TAFA2: variants seen among roughly 807,000 people sequenced by gnomAD.
TAFA2 encodes the protein chemokine-like protein TAFA-2.
In TAFA2, 7 loss-of-function variants were observed where a neutral mutation model predicts 18.8. The observed-to-expected ratio is 0.37, with a 90% CI of 0.21 to 0.70. TAFA2 has a LOEUF of 0.70. TAFA2 is among the 30% of genes least tolerant of loss of function. The pLI is 0.53. For missense variants in TAFA2, 122 were observed against 158.1 expected, an observed-to-expected ratio of 0.77 and a Z score of 1.23; for synonymous variants, 60 against 54.2, an observed-to-expected ratio of 1.11 and a Z score of -0.47.
chr12:61,863,572 TA>T (rs1457817988), intron 2 of TAFA2, among the ~76,000 whole-genome samples: 3 of 152,172 alleles, frequency 2.0e-5, no homozygotes, highest in Non-Finnish European at 4.4e-5. Flanking sequence ...CCTCTTCAAG[TA>T]AGTCTTCTTG....
chr12:61,798,270 CT>C (rs202068295), intron 2 of TAFA2, among the ~76,000 whole-genome samples: 38 of 151,910 alleles, frequency 2.5e-4, no homozygotes, highest in African/African-American at 8.9e-4. Flanking sequence ...ACTATTTGGT[CT>C]TTTTTTTGTG....
intron 1 of TAFA2, among the ~76,000 whole-genome samples, chr12:61,940,938 T>A (rs535956361): frequency 1.8e-4 from 28 of 152,298 alleles, no homozygotes; most frequent in Middle Eastern, 6.8e-3. Context: ...TAGGAGCCAC[T>A]AGCTATATGT....
At chr12:62,110,340 GC>G (rs1298720295) in intron 1 of TAFA2, among the ~76,000 whole-genome samples, 1 of 152,116 alleles carries the variant, frequency 6.6e-6, no homozygotes, top group Non-Finnish European at 1.5e-5. Context: ...ACTTGATGGT[GC>G]TGGATAAGCT....
At chr12:61,712,956 C>A (rs1869483593) in intron 4 of TAFA2, among the ~76,000 whole-genome samples, 1 of 151,940 alleles carries the variant, frequency 6.6e-6, no homozygotes, top group Admixed American at 6.6e-5. Context: ...CAACCCTGAC[C>A]AACTATAAAA....
chr12:62,044,343 T>C (rs1210838820), intron 1 of TAFA2, among the ~76,000 whole-genome samples: 2 of 151,980 alleles, frequency 1.3e-5, no homozygotes, highest in Non-Finnish European at 2.9e-5. Flanking sequence ...TAACAAAAAG[T>C]CTATAATTAC....
Position 62,240,391 on chromosome 12 carries a change from C to T in TAFA2, c.-130+18372G>A, listed in dbSNP as rs1209716266. Among the ~76,000 whole-genome samples, 4 of 151,254 alleles carry T rather than the reference C, an allele frequency of 2.6e-5. No homozygotes were observed. In the East Asian group the frequency reaches 7.8e-4, roughly 29 times the overall value. The stretch of plus-strand genomic sequence containing the variant: ...CCGAGATAGCGCTATGGCACTCCAG[C>T]CTGGGTGACAGAGCAAGACTCTGTC... On this transcript the variant is annotated intron_variant, in intron 1 of 5. Transcript: ENST00000551619.
At chr12:61,769,327 T>C (rs1869925664) in intron 2 of TAFA2, among the ~76,000 whole-genome samples, 1 of 151,398 alleles carries the variant, frequency 6.6e-6, no homozygotes, top group African/African-American at 2.4e-5. Flanking sequence ...GCCTGAGAAA[T>C]CTGAATACTT....
At chr12:61,866,653 A>G (rs911692759) in intron 2 of TAFA2, among the ~76,000 whole-genome samples, 11 of 152,236 alleles carry the variant, frequency 7.2e-5, no homozygotes, top group Non-Finnish European at 1.3e-4. Context: ...ACACATATGT[A>G]TAGAGCAAAT....
chr12:62,054,766 A>T (rs1882143247), intron 1 of TAFA2, among the ~76,000 whole-genome samples: 1 of 152,212 alleles, frequency 6.6e-6, no homozygotes, highest in Admixed American at 6.5e-5. Flanking sequence ...ATGGCATTTT[A>T]AAATGCATTG....
At chr12:62,039,610 A>G (rs1055100447) in intron 1 of TAFA2, among the ~76,000 whole-genome samples, 1 of 152,172 alleles carries the variant, frequency 6.6e-6, no homozygotes. Context: ...ATGTTACATC[A>G]CCTCAATATC....
intron 1 of TAFA2, among the ~76,000 whole-genome samples, chr12:62,220,796 A>G (rs1398199403): frequency 6.6e-6 from 1 of 152,104 alleles, no homozygotes; most frequent in African/African-American, 2.4e-5. Flanking sequence ...AGAACAAAGG[A>G]AGGAAGAGCG....
intron 1 of TAFA2, among the ~76,000 whole-genome samples, chr12:61,955,944 A>G (rs1878681630): frequency 6.6e-6 from 1 of 151,922 alleles, no homozygotes; most frequent in African/African-American, 2.4e-5. Flanking sequence ...AAATATCTCA[A>G]TGGTATGTAC....
At chr12:61,844,741 C>T (rs1027481997) in intron 2 of TAFA2, among the ~76,000 whole-genome samples, 2 of 152,128 alleles carry the variant, frequency 1.3e-5, no homozygotes, top group Admixed American at 6.6e-5. Context: ...GAACAATTAT[C>T]AGCCATGTGA....
At chr12:61,978,381 A>G (rs1879511076) in intron 1 of TAFA2, among the ~76,000 whole-genome samples, 1 of 152,098 alleles carries the variant, frequency 6.6e-6, no homozygotes, top group Non-Finnish European at 1.5e-5. Flanking sequence ...AAAACATATG[A>G]CAAATTAATG....
At chr12:61,924,858 A>G (rs1877210176) in intron 1 of TAFA2, among the ~76,000 whole-genome samples, 1 of 152,224 alleles carries the variant, frequency 6.6e-6, no homozygotes, top group African/African-American at 2.4e-5. Flanking sequence ...ACATGCAAAG[A>G]CACACATAGG....
intron 1 of TAFA2, among the ~76,000 whole-genome samples, chr12:61,885,356 A>T (rs114202344): frequency 6.6e-6 from 1 of 152,210 alleles, no homozygotes; most frequent in Non-Finnish European, 1.5e-5. Flanking sequence ...GAAGAATGAC[A>T]TAGTGCCAGG....
At chr12:61,724,532 C>T (rs906108013) in intron 4 of TAFA2, among the ~76,000 whole-genome samples, 3 of 151,876 alleles carry the variant, frequency 2.0e-5, no homozygotes, top group Non-Finnish European at 4.4e-5. Context: ...TTATACCTCA[C>T]CCCTCACCAT....
intron 1 of TAFA2, among the ~76,000 whole-genome samples, chr12:61,970,239 A>G (rs1879203443): frequency 6.6e-6 from 1 of 151,732 alleles, no homozygotes; most frequent in Non-Finnish European, 1.5e-5. Flanking sequence ...GATTACTGGT[A>G]GATATCATCA....
chr12:62,139,924 G>A (rs1189692276), intron 1 of TAFA2: 4 of 152,168 alleles, frequency 2.6e-5, no homozygotes, highest in Admixed American at 1.3e-4. Flanking sequence ...TACCATGTGG[G>A]TACTCAATAA....
Sources: allele counts gnomAD v4.1 joint callset (sites outside exome capture counted in the v4.1 genomes callset), GRCh38; gene constraint gnomAD v4.1.1; transcripts MANE v1.5; gene names NCBI Gene and HGNC (gene_info 2026-07-23, HGNC 2026-07-21).